AQP7: variants seen among roughly 807,000 people sequenced by gnomAD.
AQP7 encodes the protein aquaporin 7.
In AQP7, 22 loss-of-function variants were observed where a neutral mutation model predicts 26.1. The observed-to-expected ratio is 0.84, with a 90% confidence interval of 0.60 to 1.20. AQP7 has a LOEUF of 1.20. Among genes scored for constraint, AQP7 ranks in the 50% most tolerant of loss-of-function variants. AQP7 has a pLI of 0.00. For synonymous variants in AQP7, 167 were observed against 181.7 expected (o/e 0.92, Z 0.65); for missense variants, 412 against 457.5 (o/e 0.90, Z 0.91).
chr9:33,399,431 C>T (rs551786210), intron 2 of AQP7, among the ~76,000 whole-genome samples: 21 of 145,732 alleles, frequency 1.4e-4, no homozygotes, highest in African/African-American at 5.3e-4. Context: ...CCCATTTCCA[C>T]TAATAATAAA....
chr9:33,393,297 G>T (rs1825573625), intron 3 of AQP7, among the ~76,000 whole-genome samples: 1 of 152,200 alleles, frequency 6.6e-6, no homozygotes, highest in African/African-American at 2.4e-5. Context: ...GAAGATAACA[G>T]AGCTAGGATT....
In AQP7 at chr9:33,386,385, A is replaced by G; in HGVS notation, c.406+19T>C. 6.2e-7 allele frequency: 1 copy of G among 1,610,038 alleles called. No homozygotes were observed. The highest frequency in any genetic ancestry group is 1.1e-5 in the South Asian group (1 of 90,186). ...GAGGCGGCTGAGGCCAGAGGCGGAC[A>G]CCCGGGCAGGATACTCACTGTAGAA... On this transcript the variant is annotated intron_variant, in intron 5 of 7. Coordinates refer to ENST00000297988, the MANE Select transcript of AQP7 (RefSeq NM_001170.3).
chr9:33,385,978 A>T, intron 6 of AQP7, 99 bp downstream of exon 6: 1 of 1,572,316 alleles, frequency 6.4e-7, no homozygotes, highest in Non-Finnish European at 8.7e-7. Context: ...TACAGTCTCC[A>T]TCCAGAGTTC....
At chr9:33,399,700 A>G (rs1826108308) in intron 2 of AQP7, among the ~76,000 whole-genome samples, 2 of 152,136 alleles carry the variant, frequency 1.3e-5, no homozygotes, top group African/African-American at 2.4e-5. Context: ...ACTCTGTTTA[A>G]TGGAAGAGAT....
chr9:33,389,445 G>C (rs1825178675), intron 3 of AQP7, among the ~76,000 whole-genome samples: 3 of 152,164 alleles, frequency 2.0e-5, no homozygotes, highest in African/African-American at 4.8e-5. Flanking sequence ...AGAGTGCTGG[G>C]ATTACAGGTG....
chr9:33,397,651 T>A (rs1288078224), intron 2 of AQP7, among the ~76,000 whole-genome samples: 1 of 152,148 alleles, frequency 6.6e-6, no homozygotes, highest in Non-Finnish European at 1.5e-5. Flanking sequence ...CTCTGCTTAC[T>A]TTTTGCTGCT....
intron 6 of AQP7, 35 bp from the exon 7 acceptor site, chr9:33,385,901 C>T (rs751560357): frequency 1.8e-5 from 28 of 1,586,894 alleles, no homozygotes; most frequent in Non-Finnish European, 2.2e-5. Context: ...TCACCTGGGC[C>T]CCTCCCCAAG....
intron 4 of AQP7, 86 bp from the exon 5 acceptor site, chr9:33,386,627 G>T: frequency 2.7e-6 from 4 of 1,480,882 alleles, no homozygotes; most frequent in Non-Finnish European, 3.7e-6. Flanking sequence ...TGGCTAGTGT[G>T]TATGACAGCA....
intron 6 of AQP7, 52 bp downstream of exon 6, chr9:33,386,025 C>T (rs78769355): frequency 3.0e-5 from 48 of 1,606,562 alleles, no homozygotes; most frequent in African/African-American, 1.9e-4. Flanking sequence ...CTGCTGGCTC[C>T]GTCCTGAGGG....
rs10971484 is a variant in AQP7, at chr9:33,387,509, C to T, written c.145-417G>A. Among the ~76,000 whole-genome samples, 783 of 152,050 alleles carry T rather than the reference C, an allele frequency of 5.1e-3. 2 individuals carry two copies. The highest frequency in any genetic ancestry group is 0.024 in the Middle Eastern group (7 of 294). On this transcript the variant is annotated intron_variant, in intron 3 of 7. Transcript: ENST00000297988. ...GACCTCCAAATCCATCCGTGCCTGA[C>T]TCTGCCAGGAACCCCTCCCTGCACA... is the stretch of plus-strand genomic sequence containing the variant.
intron 2 of AQP7, 82 bp from the exon 3 acceptor site, chr9:33,395,277 G>A: frequency 8.3e-7 from 1 of 1,208,950 alleles, no homozygotes; most frequent in South Asian, 1.3e-5. Context: ...TCCCAGCTGA[G>A]TTAATAGGTA....
chr9:33,400,249 C>T (rs1352209787), intron 2 of AQP7, among the ~76,000 whole-genome samples: 2 of 152,026 alleles, frequency 1.3e-5, no homozygotes, highest in Non-Finnish European at 1.5e-5. Flanking sequence ...TTTGTATAAG[C>T]GAAGGTACCA....
In AQP7 at chr9:33,385,793, C is replaced by A. The variant is rs775170288; in HGVS notation, c.599G>T (p.Gly200Val). 8.1e-6 allele frequency: 13 copies of A among 1,613,160 alleles called. No individual in the cohort carries two copies. The highest frequency in any genetic ancestry group is 1.1e-5 in the Non-Finnish European group (13 of 1,179,974). Reference sequence around the variant, plus strand: ...GATGCCTATCACCAGCGCCTCTGTTCCTGGCAGTGCTGGGTTGTTCTCCTG... The same window carrying A: ...GATGCCTATCACCAGCGCCTCTGTTACTGGCAGTGCTGGGTTGTTCTCCTG... ...TDQENNPALP[G>V]TEALVIGILV... The change falls in exon 7 of 8, where the codon GGA (glycine) becomes GTA (valine). Residue 200 changes from glycine (G) to valine (V), a missense_variant. Physicochemically the swap from Gly to Val is moderately radical, Grantham distance 109 (BLOSUM62 -3). Transcript: ENST00000297988.
Position 33,385,648 on chromosome 9 carries a change from C to A in AQP7, c.743+1G>T. On this transcript the variant is annotated splice_donor_variant, in intron 7 of 7. Coordinates refer to ENST00000297988, the MANE Select transcript of AQP7 (RefSeq NM_001170.3). LOFTEE classifies it high-confidence loss of function. ...GGAATGGGCCTGGGCAGGGGCAGTACCTGAAGACCTGTTTGCCCCAACCAG... is the reference window on the plus strand; with the variant it reads ...GGAATGGGCCTGGGCAGGGGCAGTAACTGAAGACCTGTTTGCCCCAACCAG... 3 of 1,613,256 alleles carry A rather than the reference C, an allele frequency of 1.9e-6. No homozygotes were observed. The highest frequency in any genetic ancestry group is 2.5e-6 in the Non-Finnish European group (3 of 1,179,964).
intron 3 of AQP7, among the ~76,000 whole-genome samples, chr9:33,392,767 A>G (rs1825526128): frequency 6.6e-6 from 1 of 152,120 alleles, no homozygotes; most frequent in Non-Finnish European, 1.5e-5. Context: ...GAGGTAGGAG[A>G]GGAGCAAAGG....
rs1824597490 is a variant in AQP7 at position 33,384,985 on chromosome 9, G to A, written c.*20C>T. On this transcript the variant is annotated 3_prime_UTR_variant, in exon 8 of 8. Coordinates refer to ENST00000297988, the MANE Select transcript of AQP7 (RefSeq NM_001170.3). ...GCCTTGCTTTATTGGGGAATGGATGGGATCACAAATAATCTCTGCTTAGAA... is the reference window on the plus strand; with the variant it reads ...GCCTTGCTTTATTGGGGAATGGATGAGATCACAAATAATCTCTGCTTAGAA... The A allele has an allele frequency of 6.3e-7, 1 of 1,584,958 alleles. No homozygotes were observed. The highest frequency in any genetic ancestry group is 8.6e-7 in the Non-Finnish European group (1 of 1,162,328).
chr9:33,387,486 C>T (rs949355611), intron 3 of AQP7, among the ~76,000 whole-genome samples: 2 of 152,032 alleles, frequency 1.3e-5, no homozygotes, highest in Non-Finnish European at 2.9e-5. Flanking sequence ...CTTCAAGGGA[C>T]CTCCAAATCC....
intron 2 of AQP7, among the ~76,000 whole-genome samples, chr9:33,396,438 C>CAAA (rs3055483): frequency 2.1e-3 from 64 of 30,808 alleles, no homozygotes; most frequent in East Asian, 4.4e-3. Flanking sequence ...GACTCCATCT[C>CAAA]AAAAAAAAAA....
chr9:33,390,687 G>C (rs566897049), intron 3 of AQP7, among the ~76,000 whole-genome samples: 14 of 152,278 alleles, frequency 9.2e-5, no homozygotes, highest in Admixed American at 2.6e-4. Context: ...GTGCAGGGGG[G>C]AGTGAGGCCA....
Sources: allele counts gnomAD v4.1 joint callset (sites outside exome capture counted in the v4.1 genomes callset), GRCh38; gene constraint gnomAD v4.1.1; transcripts MANE v1.5; gene names NCBI Gene and HGNC (gene_info 2026-07-23, HGNC 2026-07-21).